The following GAK variants were observed in gnomAD, a reference collection of about 807,000 sequenced individuals.
The protein encoded by GAK is cyclin G associated kinase.
GAK carries 79 observed loss-of-function variants against 143.9 expected under a neutral mutation model. The ratio of observed to expected loss-of-function variants is 0.55; its 90% CI spans 0.46 to 0.66. GAK has a LOEUF of 0.66. Ranked by LOEUF, GAK falls within the 30% of genes least tolerant of loss-of-function variation. The pLI, the probability that GAK is intolerant of heterozygous loss-of-function variation, is 0.00. For missense variants in GAK, 1,693 were observed against 1,779.7 expected (o/e 0.95, Z 0.88); for synonymous variants, 881 against 765.5 (o/e 1.15, Z -2.49).
rs377645498 is a variant in GAK, at chr4:868,530, G to A, written c.2395+9C>T. 6.3e-6 allele frequency: 10 copies of A among 1,599,640 alleles called. No individual in the cohort carries two copies. The African/African-American group carries it at 1.2e-4, about 19-fold the overall frequency. On this transcript the variant is annotated intron_variant, in intron 20 of 27. Transcript: ENST00000314167. ...TCTGCAAGTGGCCAGGTCCAGGGAC[G>A]CTGCCTACCCTGCCAGTCCAGCGTG... is the stretch of plus-strand genomic sequence containing the variant.
rs527765346 is a variant in GAK, at chr4:886,125, G to A, written c.1206-2039C>T. The stretch of plus-strand genomic sequence containing the variant: ...GCTTCTAAGTCAACTTTACAAACAC[G>A]AGGTTATGCAGCTTCATCTGCCTCA... On this transcript the variant is annotated intron_variant, in intron 11 of 27. Coordinates refer to ENST00000314167, the MANE Select transcript of GAK (RefSeq NM_005255.4). 106 of 152,322 alleles carry A rather than the reference G, an allele frequency of 7.0e-4. 1 individual carries two copies. Among genetic ancestry groups the A allele is most frequent in the African/African-American group, 2.5e-3 (104 of 41,534 alleles). 9.4% of individuals were successfully genotyped at this position (152,322 alleles called of 1,614,324 possible). A position where few individuals can be genotyped will look rare whatever the true frequency, so the allele number is the denominator to read the frequency against.
At chr4:859,812 G>T in intron 23 of GAK, 90 bp from the exon 24 acceptor site, 1 of 903,924 alleles carries the variant, frequency 1.1e-6, no homozygotes, top group Non-Finnish European at 1.7e-6. Context: ...CTTACGACAT[G>T]ACAGCCTCAC....
intron 1 of GAK, among the ~76,000 whole-genome samples, chr4:921,679 CTTTG>C (rs1055139569): frequency 1.9e-4 from 29 of 151,326 alleles, no homozygotes; most frequent in African/African-American, 3.9e-4. Context: ...ACAGACCCCG[CTTTG>C]TTTGTTTTTT....
chr4:849,379 G>A lies in GAK; in HGVS notation c.*294C>T, dbSNP rs368311589. ...GAGCGCCAGCAGCGTGGCCCACCAC[G>A]TGCCGGGGCTCCAGAGGCCACGCCC... On this transcript the variant is annotated 3_prime_UTR_variant, in exon 28 of 28. Transcript: ENST00000314167. 68 of 466,284 alleles carry A rather than the reference G, an allele frequency of 1.5e-4. No individual in the cohort carries two copies. Among genetic ancestry groups the A allele is most frequent in the Middle Eastern group, 5.9e-4 (1 of 1,694 alleles). 28.9% of individuals were successfully genotyped at this position (466,284 alleles called of 1,614,324 possible). A position where few individuals can be genotyped will look rare whatever the true frequency, so the allele number is the denominator to read the frequency against.
intron 1 of GAK, among the ~76,000 whole-genome samples, chr4:921,897 A>G (rs987040287): frequency 3.3e-5 from 5 of 152,244 alleles, no homozygotes; most frequent in African/African-American, 1.2e-4. Context: ...ACCCCTGAAG[A>G]TATGCAGATG....
intron 1 of GAK, among the ~76,000 whole-genome samples, chr4:923,627 A>G (rs1043298972): frequency 9.9e-5 from 15 of 152,092 alleles, no homozygotes; most frequent in African/African-American, 3.4e-4. Context: ...GTGAGCTGTG[A>G]TCATGCCACT....
At chr4:918,396 A>T (rs1723388578) in intron 1 of GAK, among the ~76,000 whole-genome samples, 1 of 152,256 alleles carries the variant, frequency 6.6e-6, no homozygotes, top group African/African-American at 2.4e-5. Context: ...GAAAGCTAGG[A>T]AAATTAATAA....
At chr4:854,803 T>C (rs1748838092) in intron 24 of GAK, among the ~76,000 whole-genome samples, 1 of 152,178 alleles carries the variant, frequency 6.6e-6, no homozygotes, top group African/African-American at 2.4e-5. Context: ...CCCAGCACTT[T>C]GGGAGGCCGA....
intron 21 of GAK, 98 bp from the exon 22 acceptor site, chr4:866,632 C>G (rs956569729): frequency 1.5e-6 from 2 of 1,351,800 alleles, no homozygotes; most frequent in Admixed American, 4.5e-5. Context: ...GCCACTCCAG[C>G]TGGGCAGCCC....
Position 884,061 on chromosome 4 carries a change from A to G in GAK, c.1231T>C (p.Ser411Pro), listed in dbSNP as rs781409567. The G allele has an allele frequency of 6.2e-7, 1 of 1,613,860 alleles. No individual in the cohort carries two copies. The highest frequency in any genetic ancestry group is 8.5e-7 in the Non-Finnish European group (1 of 1,179,874). Residue 411 changes from serine to proline, a missense_variant, in exon 12 of 28, where the codon TCT becomes CCT. Coordinates refer to ENST00000314167, the MANE Select transcript of GAK (RefSeq NM_005255.4). ...CCTGCAATTCTGGATGTGATGTAAG[A>G]TATGTCCAGGTCACCCTTTGCATAA... ...ANYAKGDLDI[S>P]YITSRIAVMS...
intron 7 of GAK, chr4:894,739 T>A (rs1431492510): frequency 6.6e-6 from 1 of 152,064 alleles, no homozygotes; most frequent in East Asian, 1.9e-4. Flanking sequence ...TCCCAGCACT[T>A]TGGGAGGCCG....
Position 856,663 on chromosome 4 carries a change from C to G in GAK, c.3283+2943G>C, listed in dbSNP as rs1209832834. Among the ~76,000 whole-genome samples the G allele has an allele frequency of 6.3e-5, 9 of 143,830 alleles. No individual in the cohort carries two copies. The South Asian group carries it at 1.4e-3, about 22-fold the overall frequency. 94.4% of individuals were successfully genotyped at this position (143,830 alleles called of 152,430 possible). On this transcript the variant is annotated intron_variant, in intron 24 of 27. Coordinates refer to ENST00000314167, the MANE Select transcript of GAK (RefSeq NM_005255.4). ...CTGCTCACACCTGCTCACCATAGCT[C>G]ACCACAGCTGCTCACACCTGCTCAC... is the stretch of plus-strand genomic sequence containing the variant.
chr4:901,845 CCA>C lies in GAK; in HGVS notation c.525+2790_525+2791del, dbSNP rs148169947. Among the ~76,000 whole-genome samples the C allele has an allele frequency of 4.2e-3, 640 of 152,310 alleles. 5 individuals carry two copies. Among genetic ancestry groups the C allele is most frequent in the African/African-American group, 0.015 (606 of 41,564 alleles). On this transcript the variant is annotated intron_variant, in intron 5 of 27. Transcript: ENST00000314167. ...CCCGATTAGCGAGGTCTGAGAGAAGCCACACTTTGGGAAAACCAGGGAAGGCT... is the reference window on the plus strand; with the variant it reads ...CCCGATTAGCGAGGTCTGAGAGAAGCCACTTTGGGAAAACCAGGGAAGGCT...
chr4:857,096 T>C (rs1264682633), intron 24 of GAK, among the ~76,000 whole-genome samples: 1 of 152,224 alleles, frequency 6.6e-6, no homozygotes, highest in African/African-American at 2.4e-5. Flanking sequence ...AAAACCACAA[T>C]TACTTTCGCA....
intron 9 of GAK, 62 bp from the exon 10 acceptor site, chr4:890,684 G>A (rs755279137): frequency 1.9e-5 from 27 of 1,412,242 alleles, no homozygotes; most frequent in Admixed American, 9.8e-5. Context: ...TGCCCACGTC[G>A]GGCAGAGGTA....
chr4:892,313 C>T (rs2152854478), intron 9 of GAK, among the ~76,000 whole-genome samples: 1 of 152,306 alleles, frequency 6.6e-6, no homozygotes, highest in South Asian at 2.1e-4. Flanking sequence ...GGTCCTTGGA[C>T]ACAGACCCCT....
At chr4:888,740 G>A in intron 11 of GAK, 107 bp downstream of exon 11, 8 of 1,394,766 alleles carry the variant, frequency 5.7e-6, no homozygotes, top group Non-Finnish European at 7.7e-6. Flanking sequence ...AGGGGCCCCT[G>A]TGGGGCCTGA....
chr4:896,127 G>A (rs1452738194), intron 7 of GAK, among the ~76,000 whole-genome samples: 2 of 152,184 alleles, frequency 1.3e-5, no homozygotes, highest in Non-Finnish European at 2.9e-5. Context: ...AGCCGGGCAT[G>A]GTGGTGAGCA....
chr4:907,949 C>T (rs1197152131), intron 4 of GAK, among the ~76,000 whole-genome samples: 5 of 152,216 alleles, frequency 3.3e-5, no homozygotes, highest in African/African-American at 7.2e-5. Context: ...TCCCACACCA[C>T]CCCATGCAGG....
Sources: gnomAD v4.1 joint callset for allele counts (sites outside exome capture counted in the v4.1 genomes callset) on GRCh38, gnomAD v4.1.1 for gene constraint, MANE v1.5 for transcripts, NCBI Gene and HGNC (gene_info 2026-07-23, HGNC 2026-07-21) for gene names.